The following PLCE1 variants were observed in gnomAD, a reference collection of about 807,000 sequenced individuals.
PLCE1 encodes the protein phospholipase C epsilon 1.
Under a neutral mutation model 242.8 loss-of-function variants are expected in PLCE1, and 119 were observed. The observed-to-expected ratio is 0.49, with a 90% CI of 0.42 to 0.57. The LOEUF (loss-of-function observed/expected upper bound fraction) is 0.57. Among genes scored for constraint, PLCE1 ranks in the 20% least tolerant of loss-of-function variants. The pLI is 0.00. For synonymous variants in PLCE1, 945 were observed against 1,017.4 expected (o/e 0.93, Z 1.35); for missense variants, 2,441 against 2,788.8 (o/e 0.88, Z 2.81).
chr10:94,238,002 A>G (rs1737937041), intron 7 of PLCE1, among the ~76,000 whole-genome samples: 1 of 151,974 alleles, frequency 6.6e-6, no homozygotes, highest in South Asian at 2.1e-4. Flanking sequence ...GGACAATCTC[A>G]TGGTCCTTTG....
chr10:94,077,268 T>G (rs2044532393), intron 2 of PLCE1, among the ~76,000 whole-genome samples: 1 of 152,198 alleles, frequency 6.6e-6, no homozygotes, highest in Admixed American at 6.5e-5. Context: ...GGGATGCTAC[T>G]GGCATCTAAT....
intron 2 of PLCE1, among the ~76,000 whole-genome samples, chr10:94,059,249 G>A (rs891771849): frequency 4.6e-5 from 7 of 152,328 alleles, no homozygotes; most frequent in African/African-American, 1.4e-4. Context: ...TAGACCAGTT[G>A]CTTAGGCTGT....
chr10:94,167,599 A>G (rs1773107867), intron 3 of PLCE1, among the ~76,000 whole-genome samples: 1 of 151,568 alleles, frequency 6.6e-6, no homozygotes, highest in African/African-American at 2.4e-5. Context: ...TACATGTGCC[A>G]TGTTGGTGTG....
In PLCE1 at chr10:94,023,499, A is replaced by G. The variant is rs553636472; in HGVS notation, c.-364-7184A>G. 3.3e-5 allele frequency among the ~76,000 whole-genome samples: 5 copies of G among 152,288 alleles called. No homozygotes were observed. The East Asian group carries it at 5.8e-4, about 18-fold the overall frequency. On this transcript the variant is annotated intron_variant, in intron 1 of 32. Transcript: ENST00000371380. Reference sequence around the variant, plus strand: ...GAGGGAGTCCTGTGAGCATCACAACATCACAATTCTATCCACTTCCACTCT... The same window carrying G: ...GAGGGAGTCCTGTGAGCATCACAACGTCACAATTCTATCCACTTCCACTCT...
chr10:94,246,746 C>A (rs551025951), intron 8 of PLCE1, 125 bp downstream of exon 8: 2 of 826,340 alleles, frequency 2.4e-6, no homozygotes, highest in African/African-American at 1.7e-5. Context: ...CCTTGGGCAG[C>A]TTTTACTTAA....
intron 2 of PLCE1, among the ~76,000 whole-genome samples, chr10:94,035,490 T>C (rs2061646105): frequency 6.6e-6 from 1 of 152,214 alleles, no homozygotes; most frequent in Non-Finnish European, 1.5e-5. Flanking sequence ...TCTTCCCTGC[T>C]TCTTAGTCTC....
intron 2 of PLCE1, among the ~76,000 whole-genome samples, chr10:94,061,572 A>G (rs2044056935): frequency 6.6e-6 from 1 of 152,140 alleles, no homozygotes; most frequent in African/African-American, 2.4e-5. Context: ...TGCACTGTCT[A>G]GGTGTGGCTC....
chr10:94,214,404 A>G (rs2049448268), intron 4 of PLCE1, among the ~76,000 whole-genome samples: 1 of 152,172 alleles, frequency 6.6e-6, no homozygotes, highest in Non-Finnish European at 1.5e-5. Flanking sequence ...AGTTTTCATC[A>G]GATTTATTCC....
rs1408215263 is a variant in PLCE1 at position 94,234,170 on chromosome 10, T to C, written c.2072T>C (p.Val691Ala). Residue 691 changes from valine (V) to alanine (A), a missense_variant, in exon 6 of 33, where the codon GTG becomes GCG. Transcript: ENST00000371380. The part of the protein sequence containing the change: ...HESSCEYRKV[V>A]TRALHIPGCK... ...TCCTCTTGTGAGTACAGAAAGGTGGTGACACGTGCCCTGCACATCCCTGGC... is the reference window on the plus strand; with the variant it reads ...TCCTCTTGTGAGTACAGAAAGGTGGCGACACGTGCCCTGCACATCCCTGGC... The C allele has an allele frequency of 1.7e-5, 28 of 1,614,034 alleles. No individual in the cohort carries two copies. Among genetic ancestry groups the C allele is most frequent in the Non-Finnish European group, 2.4e-5 (28 of 1,180,010 alleles).
chr10:94,275,580 AATCCC>A (rs2051917697), intron 19 of PLCE1, among the ~76,000 whole-genome samples: 1 of 152,206 alleles, frequency 6.6e-6, no homozygotes, highest in Non-Finnish European at 1.5e-5. Flanking sequence ...TCACGCCTGT[AATCCC>A]AGCACTTTGG....
intron 2 of PLCE1, among the ~76,000 whole-genome samples, chr10:94,125,695 T>C (rs932160444): frequency 2.0e-5 from 3 of 152,214 alleles, no homozygotes; most frequent in African/African-American, 7.2e-5. Context: ...AATGGACCTC[T>C]AAGTAACACA....
intron 4 of PLCE1, among the ~76,000 whole-genome samples, chr10:94,196,459 A>G (rs1209847126): frequency 6.6e-6 from 1 of 152,212 alleles, no homozygotes; most frequent in East Asian, 1.9e-4. Context: ...AAAGTGGAAA[A>G]GGAGGATCTA....
intron 13 of PLCE1, among the ~76,000 whole-genome samples, chr10:94,260,699 T>C (rs2051266506): frequency 6.6e-6 from 1 of 151,932 alleles, no homozygotes; most frequent in Admixed American, 6.6e-5. Context: ...TTTAAAATAA[T>C]GTAATTTTTT....
chr10:94,168,984 A>G (rs1468951463), intron 3 of PLCE1, among the ~76,000 whole-genome samples: 1 of 152,220 alleles, frequency 6.6e-6, no homozygotes, highest in East Asian at 1.9e-4. Flanking sequence ...GGTAGATTTA[A>G]GCATCAACCT....
intron 19 of PLCE1, 177 bp from the exon 20 acceptor site, chr10:94,279,605 A>G: frequency 1.5e-6 from 1 of 658,528 alleles, no homozygotes; most frequent in Non-Finnish European, 2.7e-6. Flanking sequence ...GCTAACGTTC[A>G]CCCAAGTGTT....
In PLCE1 at chr10:94,234,252, C is replaced by T. The variant is rs745465546; in HGVS notation, c.2154C>T (p.Asp718=). ...TGAAGGAGCTCTGTGAAGTGCTTGA[C>T]GGCGCCTCCGGTCTCATGAAGCTTT... ...VFLKELCEVL[D]GASGLMKLCP... is the part of the protein sequence containing the mutation. The change falls in exon 6 of 33, where the codon GAC becomes GAT. Residue 718 remains aspartate, a synonymous_variant. Transcript: ENST00000371380. The T allele has an allele frequency of 2.6e-5, 42 of 1,613,932 alleles. No homozygotes were observed. In the African/African-American group the frequency reaches 2.9e-4, roughly 11 times the overall value.
At chr10:94,048,073 A>T (rs2043646553) in intron 2 of PLCE1, among the ~76,000 whole-genome samples, 1 of 152,168 alleles carries the variant, frequency 6.6e-6, no homozygotes, top group Middle Eastern at 3.4e-3. Flanking sequence ...TTTATTCCTA[A>T]GATTCATTTA....
intron 7 of PLCE1, 86 bp from the exon 8 acceptor site, chr10:94,245,860 A>G (rs1364458243): frequency 3.8e-6 from 4 of 1,041,198 alleles, no homozygotes; most frequent in African/African-American, 1.6e-5. Context: ...GTGCGATGAA[A>G]AATAAAGCCC....
chr10:94,284,993 T>A, intron 22 of PLCE1, 28 bp downstream of exon 22: 2 of 1,218,830 alleles, frequency 1.6e-6, no homozygotes, highest in Non-Finnish European at 2.4e-6. Flanking sequence ...CATCTATAAC[T>A]TTTAAAGATA....
Sources: gnomAD v4.1 joint callset for allele counts (sites outside exome capture counted in the v4.1 genomes callset) on GRCh38, gnomAD v4.1.1 for gene constraint, MANE v1.5 for transcripts, NCBI Gene and HGNC (gene_info 2026-07-23, HGNC 2026-07-21) for gene names.